DLG2: variants seen among roughly 807,000 people sequenced by gnomAD.
DLG2 encodes disks large homolog 2.
A neutral mutation model predicts 132.5 loss-of-function variants in DLG2; 45 were observed. The observed-to-expected ratio is 0.34, with a 90% CI of 0.27 to 0.44. The LOEUF is 0.44. DLG2 is among the 20% of genes least tolerant of loss of function. The pLI is 1.00. For missense variants in DLG2, 1,045 were observed against 1,196.9 expected, an observed-to-expected ratio of 0.87 and a Z score of 1.87; for synonymous variants, 424 against 419.6, an observed-to-expected ratio of 1.01 and a Z score of -0.13.
At chr11:84,437,828 A>G (rs1207197983) in intron 7 of DLG2, 2 of 152,512 alleles carry the variant, frequency 1.3e-5, no homozygotes, top group African/African-American at 4.8e-5. Context: ...GGGAAGCTGC[A>G]GTCAAGTCCG....
chr11:84,125,582 A>G (rs1348990785), intron 9 of DLG2, among the ~76,000 whole-genome samples: 1 of 152,244 alleles, frequency 6.6e-6, no homozygotes, highest in African/African-American at 2.4e-5. Context: ...GGATCTCACA[A>G]GGCTGAAAGC....
At chr11:85,371,829 A>G (rs548327933) in intron 3 of DLG2, among the ~76,000 whole-genome samples, 8 of 152,222 alleles carry the variant, frequency 5.3e-5, no homozygotes, top group Non-Finnish European at 1.2e-4. Flanking sequence ...CTTGTGGTAC[A>G]CACTTCCATC....
At chr11:84,503,511 T>A (rs1341577869) in intron 7 of DLG2, among the ~76,000 whole-genome samples, 1 of 152,178 alleles carries the variant, frequency 6.6e-6, no homozygotes, top group African/African-American at 2.4e-5. Context: ...GTCTGCTGCA[T>A]GTTTCTTAGG....
chr11:83,793,770 A>C (rs2042139350), intron 17 of DLG2, among the ~76,000 whole-genome samples: 1 of 152,242 alleles, frequency 6.6e-6, no homozygotes, highest in Admixed American at 6.5e-5. Context: ...GGCATTCAGC[A>C]AATAGTATCT....
At chr11:85,346,513 A>G (rs1596400376) in intron 3 of DLG2, among the ~76,000 whole-genome samples, 1 of 152,206 alleles carries the variant, frequency 6.6e-6, no homozygotes, top group East Asian at 1.9e-4. Context: ...TATATTTTGC[A>G]ATAACCGATA....
chr11:84,391,970 T>A (rs2098794054), intron 7 of DLG2, among the ~76,000 whole-genome samples: 1 of 152,174 alleles, frequency 6.6e-6, no homozygotes, highest in African/African-American at 2.4e-5. Flanking sequence ...AGAAACAGCT[T>A]CACTTATCCA....
chr11:84,968,196 GAAT>G (rs2053585990), intron 6 of DLG2, among the ~76,000 whole-genome samples: 1 of 152,022 alleles, frequency 6.6e-6, no homozygotes, highest in African/African-American at 2.4e-5. Context: ...ATCATTTTTA[GAAT>G]AAAATTATAT....
intron 18 of DLG2, among the ~76,000 whole-genome samples, chr11:83,687,874 C>G (rs2080096329): frequency 6.6e-6 from 1 of 152,160 alleles, no homozygotes; most frequent in South Asian, 2.1e-4. Context: ...TGATGGCATA[C>G]ATCTGAAGTC....
chr11:84,534,016 A>C (rs2099349596), intron 7 of DLG2, among the ~76,000 whole-genome samples: 1 of 151,942 alleles, frequency 6.6e-6, no homozygotes, highest in Non-Finnish European at 1.5e-5. Context: ...TCGAAATATA[A>C]TTTATCAAGC....
chr11:84,950,516 C>T (rs990237312), intron 6 of DLG2, among the ~76,000 whole-genome samples: 3 of 152,264 alleles, frequency 2.0e-5, no homozygotes, highest in African/African-American at 7.2e-5. Flanking sequence ...TATGCAGCTA[C>T]ACTTTAAATA....
intron 15 of DLG2, among the ~76,000 whole-genome samples, chr11:83,921,175 T>C (rs1461236868): frequency 6.6e-6 from 1 of 152,114 alleles, no homozygotes; most frequent in Non-Finnish European, 1.5e-5. Flanking sequence ...TTGTATAAAG[T>C]TCTGCTGGGT....
At chr11:85,080,302 T>C (rs2067076680) in intron 6 of DLG2, among the ~76,000 whole-genome samples, 1 of 152,074 alleles carries the variant, frequency 6.6e-6, no homozygotes, top group South Asian at 2.1e-4. Context: ...CTTTTCTTGT[T>C]TGTTTGTTTG....
At chr11:84,520,966 G>T (rs2099296874) in intron 7 of DLG2, among the ~76,000 whole-genome samples, 2 of 152,100 alleles carry the variant, frequency 1.3e-5, no homozygotes, top group Admixed American at 1.3e-4. Context: ...TGCAGCTCTG[G>T]GAAAGCATCC....
At chr11:84,764,322 A>G (rs2068080170) in intron 6 of DLG2, among the ~76,000 whole-genome samples, 1 of 152,174 alleles carries the variant, frequency 6.6e-6, no homozygotes, top group Non-Finnish European at 1.5e-5. Flanking sequence ...TACTTGTCAA[A>G]TAAGTACTTA....
intron 2 of DLG2, among the ~76,000 whole-genome samples, chr11:85,604,405 T>G (rs1487119155): frequency 6.6e-6 from 1 of 152,132 alleles, no homozygotes; most frequent in Admixed American, 6.5e-5. Flanking sequence ...AATGACAAAT[T>G]AAACAAATGA....
chr11:83,856,830 T>C (rs186528458), intron 16 of DLG2, among the ~76,000 whole-genome samples: 1 of 152,346 alleles, frequency 6.6e-6, no homozygotes, highest in Admixed American at 6.5e-5. Flanking sequence ...TTTAGTTTAA[T>C]TAAATATCAT....
intron 18 of DLG2, among the ~76,000 whole-genome samples, chr11:83,691,827 G>C (rs192214689): frequency 2.9e-5 from 4 of 138,544 alleles, no homozygotes; most frequent in African/African-American, 1.3e-4. Context: ...ATTTTTTCCT[G>C]GACGGTATCC....
At chr11:85,001,987 G>T (rs2058256741) in intron 6 of DLG2, among the ~76,000 whole-genome samples, 1 of 152,162 alleles carries the variant, frequency 6.6e-6, no homozygotes, top group African/African-American at 2.4e-5. Context: ...CTTAAAAAAT[G>T]CTGATATCCT....
chr11:85,435,141 A>C (rs1374669232), intron 3 of DLG2, among the ~76,000 whole-genome samples: 2 of 152,248 alleles, frequency 1.3e-5, no homozygotes, highest in Non-Finnish European at 2.9e-5. Flanking sequence ...ACTTTCAGTA[A>C]ACTAGGTATT....
Sources: gnomAD v4.1 joint callset for allele counts (sites outside exome capture counted in the v4.1 genomes callset) on GRCh38, gnomAD v4.1.1 for gene constraint, MANE v1.5 for transcripts, NCBI Gene and HGNC (gene_info 2026-07-23, HGNC 2026-07-21) for gene names.